ZFAND3: variants seen among roughly 807,000 people sequenced by gnomAD.
The protein encoded by ZFAND3 is AN1-type zinc finger protein 3.
In ZFAND3, 10 loss-of-function variants were observed where a neutral mutation model predicts 29.6. The observed-to-expected ratio is 0.34, with a 90% confidence interval of 0.21 to 0.57. The LOEUF is 0.57. ZFAND3 is among the 20% of genes least tolerant of loss of function. The pLI, the probability that ZFAND3 is intolerant of heterozygous loss-of-function variation, is 0.86. For synonymous variants in ZFAND3, 128 were observed against 112.6 expected (o/e 1.14, Z -0.87); for missense variants, 230 against 304.5 (o/e 0.76, Z 1.82).
At chr6:38,096,028 T>C (rs1056219464) in intron 4 of ZFAND3, among the ~76,000 whole-genome samples, 2 of 152,038 alleles carry the variant, frequency 1.3e-5, no homozygotes, top group Admixed American at 1.3e-4. Flanking sequence ...GCTGAGATGC[T>C]GTTTCAAAAA....
intron 1 of ZFAND3, among the ~76,000 whole-genome samples, chr6:37,873,273 A>G (rs187171390): frequency 6.5e-4 from 99 of 152,372 alleles, no homozygotes; most frequent in Admixed American, 1.4e-3. Context: ...CCGTCTCAAA[A>G]AAAAAGAAAG....
At position 38,041,678 on chromosome 6, in the gene ZFAND3, TCTTCTTCTC is replaced by T. The variant is rs1561976754; in HGVS notation, c.113-19909_113-19901del. On this transcript the variant is annotated intron_variant, in intron 2 of 5. Transcript: ENST00000287218. ...TTCTTCTTCTTCTTCTTCTTCTTCT[TCTTCTTCTC>T]CTTCTCCTTCTCCTCCTCCTCCTCC... Among the ~76,000 whole-genome samples, 85 of 21,138 alleles carry T rather than the reference TCTTCTTCTC, an allele frequency of 4.0e-3. 5 individuals are homozygous for T. The highest frequency in any genetic ancestry group is 6.4e-3 in the Non-Finnish European group (74 of 11,626). The allele number at this position is 21,138 out of a possible 152,430, so 13.9% of individuals were successfully genotyped here.
At chr6:38,134,241 G>A (rs1765799504) in intron 5 of ZFAND3, among the ~76,000 whole-genome samples, 1 of 152,134 alleles carries the variant, frequency 6.6e-6, no homozygotes, top group East Asian at 1.9e-4. Flanking sequence ...TGCACATTCC[G>A]TTCTCCTGAG....
intron 5 of ZFAND3, among the ~76,000 whole-genome samples, chr6:38,139,146 A>G (rs1765899856): frequency 6.6e-6 from 1 of 152,172 alleles, no homozygotes; most frequent in African/African-American, 2.4e-5. Flanking sequence ...AAAGTGGACA[A>G]ATGCTGTAGA....
chr6:37,872,241 A>G (rs1764707883), intron 1 of ZFAND3, among the ~76,000 whole-genome samples: 1 of 152,178 alleles, frequency 6.6e-6, no homozygotes, highest in Non-Finnish European at 1.5e-5. Flanking sequence ...TTCTCAATGC[A>G]ATTCCCATTT....
At chr6:37,879,698 TA>T (rs1419812266) in intron 1 of ZFAND3, among the ~76,000 whole-genome samples, 1 of 152,222 alleles carries the variant, frequency 6.6e-6, no homozygotes, top group Non-Finnish European at 1.5e-5. Context: ...TGGATGATAG[TA>T]AATTCATTAT....
At chr6:37,890,360 G>A (rs1231890156) in intron 1 of ZFAND3, among the ~76,000 whole-genome samples, 1 of 152,100 alleles carries the variant, frequency 6.6e-6, no homozygotes, top group Non-Finnish European at 1.5e-5. Flanking sequence ...TTGGACATTT[G>A]GGTCTCAATA....
chr6:38,062,063 C>G (rs1442680701), intron 3 of ZFAND3, among the ~76,000 whole-genome samples: 1 of 152,178 alleles, frequency 6.6e-6, no homozygotes, highest in Non-Finnish European at 1.5e-5. Context: ...CAATTTTAAT[C>G]TTTAGCACCA....
At chr6:37,953,612 G>A (rs1762037903) in intron 2 of ZFAND3, among the ~76,000 whole-genome samples, 1 of 151,398 alleles carries the variant, frequency 6.6e-6, no homozygotes, top group Non-Finnish European at 1.5e-5. Flanking sequence ...CACCACACCT[G>A]GCTATTTTTT....
intron 4 of ZFAND3, among the ~76,000 whole-genome samples, chr6:38,097,736 A>C (rs1475249014): frequency 1.3e-5 from 2 of 152,242 alleles, no homozygotes; most frequent in African/African-American, 2.4e-5. Context: ...AGATGTAGAC[A>C]GATGGTACCT....
At chr6:38,138,635 G>A (rs1469031383) in intron 5 of ZFAND3, among the ~76,000 whole-genome samples, 2 of 152,186 alleles carry the variant, frequency 1.3e-5, no homozygotes, top group East Asian at 3.9e-4. Context: ...GTGCAGAGCC[G>A]ATTCAGGACA....
chr6:37,878,907 C>T (rs913942021), intron 1 of ZFAND3, among the ~76,000 whole-genome samples: 1 of 152,136 alleles, frequency 6.6e-6, no homozygotes, highest in Non-Finnish European at 1.5e-5. Flanking sequence ...TCTGTTTCTC[C>T]AGGACAGGTC....
intron 4 of ZFAND3, among the ~76,000 whole-genome samples, chr6:38,110,395 T>C (rs979776516): frequency 6.6e-6 from 1 of 152,154 alleles, no homozygotes; most frequent in African/African-American, 2.4e-5. Flanking sequence ...AATCCCAGCA[T>C]ATACCCCGAA....
At chr6:38,107,533 A>G (rs182090699) in intron 4 of ZFAND3, among the ~76,000 whole-genome samples, 2 of 152,296 alleles carry the variant, frequency 1.3e-5, no homozygotes, top group African/African-American at 4.8e-5. Flanking sequence ...AAAGTATACA[A>G]TTAAATATTC....
At chr6:38,121,350 A>G (rs1459265845) in intron 5 of ZFAND3, among the ~76,000 whole-genome samples, 1 of 152,240 alleles carries the variant, frequency 6.6e-6, no homozygotes, top group Non-Finnish European at 1.5e-5. Flanking sequence ...GCACTGCAGC[A>G]TGGGCAACAG....
intron 1 of ZFAND3, among the ~76,000 whole-genome samples, chr6:37,847,244 G>A (rs937573593): frequency 2.0e-5 from 3 of 152,060 alleles, no homozygotes; most frequent in African/African-American, 4.8e-5. Context: ...ATTAGCTCAT[G>A]TAAGGTTATT....
chr6:37,855,455 A>G (rs753538196), intron 1 of ZFAND3, among the ~76,000 whole-genome samples: 6 of 151,916 alleles, frequency 3.9e-5, no homozygotes, highest in Non-Finnish European at 7.4e-5. Flanking sequence ...CCTGGCAGCA[A>G]TTGAAATTTG....
chr6:38,044,444 T>G (rs984885803), intron 2 of ZFAND3, among the ~76,000 whole-genome samples: 1 of 152,172 alleles, frequency 6.6e-6, no homozygotes, highest in African/African-American at 2.4e-5. Context: ...AATTGGTCCT[T>G]TGGCCATCTT....
intron 1 of ZFAND3, among the ~76,000 whole-genome samples, chr6:37,842,592 AAAT>A (rs1027397350): frequency 4.5e-4 from 68 of 152,230 alleles, no homozygotes; most frequent in African/African-American, 1.6e-3. Flanking sequence ...TTTGCTTTTT[AAAT>A]AATAATAATA....
Sources: allele counts gnomAD v4.1 joint callset (sites outside exome capture counted in the v4.1 genomes callset), GRCh38; gene constraint gnomAD v4.1.1; transcripts MANE v1.5; gene names NCBI Gene and HGNC (gene_info 2026-07-23, HGNC 2026-07-21).